The following ORAI2 variants were observed in gnomAD, a reference collection of about 807,000 sequenced individuals.
The protein encoded by ORAI2 is protein orai-2.
ORAI2 carries 10 observed loss-of-function variants against 16.2 expected under a neutral mutation model. That is an observed-to-expected ratio of 0.62 (90% CI 0.38 to 1.04). The LOEUF is 1.04. ORAI2 is among the 50% of genes least tolerant of loss of function. The pLI is 0.01. For missense variants in ORAI2, 238 were observed against 355.5 expected, an observed-to-expected ratio of 0.67 and a Z score of 2.66; for synonymous variants, 150 against 157.5, an observed-to-expected ratio of 0.95 and a Z score of 0.35.
At chr7:102,443,131 CTTT>C (rs796130520) in intron 3 of ORAI2, among the ~76,000 whole-genome samples, 28 of 25,650 alleles carry the variant, frequency 1.1e-3, no homozygotes, top group African/African-American at 1.9e-3. Flanking sequence ...TCTTCTTCTT[CTTT>C]TTTTTTTTTT....
At chr7:102,438,494 G>T (rs954035185) in intron 2 of ORAI2, among the ~76,000 whole-genome samples, 2 of 152,160 alleles carry the variant, frequency 1.3e-5, no homozygotes, top group African/African-American at 4.8e-5. Context: ...GTCCTGGAAG[G>T]CTGGGCGCAG....
intron 3 of ORAI2, 38 bp downstream of exon 3, chr7:102,439,219 A>G: frequency 6.4e-7 from 1 of 1,567,868 alleles, no homozygotes; most frequent in Non-Finnish European, 8.7e-7. Flanking sequence ...CACTGGTCAG[A>G]TGGGCTTTGC....
At position 102,453,090 on chromosome 7, in the gene ORAI2, C is replaced by T. The variant is rs1163365012; in HGVS notation, c.*6038C>T. On this transcript the variant is annotated 3_prime_UTR_variant, in exon 4 of 4. Coordinates refer to ENST00000495936, the MANE Select transcript of ORAI2 (RefSeq NM_001126340.3). ...CCAGGTTCAAGCAATTATCTTGCCTCAGCCTCCCAAGTAGCTGGGATTACA... is the reference window on the plus strand; with the variant it reads ...CCAGGTTCAAGCAATTATCTTGCCTTAGCCTCCCAAGTAGCTGGGATTACA... 1 of 152,284 alleles carries T rather than the reference C, an allele frequency of 6.6e-6. No homozygotes were observed. The highest frequency in any genetic ancestry group is 2.4e-5 in the African/African-American group (1 of 41,452). 9.4% of individuals were successfully genotyped at this position (152,284 alleles called of 1,614,324 possible).
At chr7:102,438,273 G>A (rs921059822) in intron 2 of ORAI2, among the ~76,000 whole-genome samples, 13 of 145,698 alleles carry the variant, frequency 8.9e-5, no homozygotes, top group East Asian at 2.1e-4. Flanking sequence ...GCTTGAAGCC[G>A]GGAGTCAGAG....
In ORAI2 at chr7:102,447,346, G is replaced by C. The variant is rs1284930119; in HGVS notation, c.*294G>C. ...CAGCGGGACCTGCCCATCAGTCCTG[G>C]GCCAGGAGGGGCTCCAAGCAGCACC... On this transcript the variant is annotated 3_prime_UTR_variant, in exon 4 of 4. Transcript: ENST00000495936. 2.5e-6 allele frequency: 1 copy of C among 404,616 alleles called. No individual in the cohort carries two copies. The highest frequency in any genetic ancestry group is 4.2e-5 in the Admixed American group (1 of 23,598). The allele number at this position is 404,616 out of a possible 1,614,324, so 25.1% of individuals were successfully genotyped here.
At chr7:102,440,267 G>A (rs953559684) in intron 3 of ORAI2, among the ~76,000 whole-genome samples, 1 of 152,094 alleles carries the variant, frequency 6.6e-6, no homozygotes, top group African/African-American at 2.4e-5. Flanking sequence ...CCCAGTTAGC[G>A]ATGCAGACGT....
Position 102,456,456 on chromosome 7 carries a change from G to C in ORAI2, c.*9404G>C, listed in dbSNP as rs968874612. On this transcript the variant is annotated 3_prime_UTR_variant, in exon 4 of 4. Transcript: ENST00000495936. ...TTTGTAGAGATGGGGGTCTCACTAT[G>C]TTGCCCAGGCTGGCCTCAAGCAATC... 6.6e-6 allele frequency: 1 copy of C among 152,176 alleles called. No individual in the cohort carries two copies. The allele number at this position is 152,176 out of a possible 1,614,324, so 9.4% of individuals were successfully genotyped here. A position where few individuals can be genotyped will look rare whatever the true frequency, so the allele number is the denominator to read the frequency against.
chr7:102,446,830 G>A lies in ORAI2; in HGVS notation c.543G>A (p.Gln181=). The A allele has an allele frequency of 6.2e-7, 1 of 1,613,922 alleles. No individual in the cohort carries two copies. The highest frequency in any genetic ancestry group is 8.5e-7 in the Non-Finnish European group (1 of 1,180,014). The stretch of plus-strand genomic sequence containing the variant: ...TCCTCCCCGTGGATGCCCGGCGCCA[G>A]CCTGGCCCCCCACCTGGCCCTGGGA... The part of the protein sequence containing the change: ...IKFLPVDARR[Q]PGPPPGPGSH... Residue 181 remains glutamine (Q), a synonymous_variant, in exon 4 of 4, where the codon CAG becomes CAA. Transcript: ENST00000495936.
intron 3 of ORAI2, among the ~76,000 whole-genome samples, chr7:102,445,887 TTCTTTCTC>T (rs1302421726): frequency 5.3e-5 from 6 of 113,726 alleles, no homozygotes; most frequent in African/African-American, 1.7e-4. Flanking sequence ...TTCTCTCTCT[TTCTTTCTC>T]TCTTTCTCTT....
At chr7:102,446,035 A>G (rs911513655) in intron 3 of ORAI2, among the ~76,000 whole-genome samples, 6 of 151,220 alleles carry the variant, frequency 4.0e-5, no homozygotes, top group African/African-American at 1.5e-4. Context: ...TGCAACCTCC[A>G]CCTCCCAGGT....
intron 2 of ORAI2, among the ~76,000 whole-genome samples, chr7:102,436,611 A>T (rs1396075834): frequency 6.6e-6 from 1 of 152,118 alleles, no homozygotes; most frequent in Non-Finnish European, 1.5e-5. Flanking sequence ...GCTCCCTGGG[A>T]CCTAGAAACA....
intron 2 of ORAI2, among the ~76,000 whole-genome samples, chr7:102,436,765 C>T (rs1797070399): frequency 6.6e-6 from 1 of 152,088 alleles, no homozygotes; most frequent in African/African-American, 2.4e-5. Flanking sequence ...GGCTGGAGTG[C>T]AGTGGCGCAA....
At position 102,439,087 on chromosome 7, in the gene ORAI2, C is replaced by A; in HGVS notation, c.131C>A (p.Ser44Ter). 1 of 1,614,086 alleles carries A rather than the reference C, an allele frequency of 6.2e-7. No individual in the cohort carries two copies. The highest frequency in any genetic ancestry group is 8.5e-7 in the Non-Finnish European group (1 of 1,180,038). The change falls in exon 3 of 4, where the codon TCG becomes TAG. Residue 44 changes from serine (S) to a stop codon, truncating the protein, a stop_gained. Transcript: ENST00000495936. LOFTEE classifies it high-confidence loss of function. ...GAACTGGTCACCTCTAACCACCACTCGGTACAGGCCCTGTCGTGGCGGAAG... is the reference window on the plus strand; with the variant it reads ...GAACTGGTCACCTCTAACCACCACTAGGTACAGGCCCTGTCGTGGCGGAAG... ...YLELVTSNHHSVQALSWRKLY... is the reference protein window; with the variant it reads ...YLELVTSNHH
intron 3 of ORAI2, among the ~76,000 whole-genome samples, chr7:102,445,988 A>G (rs989002996): frequency 1.4e-5 from 2 of 140,114 alleles, no homozygotes; most frequent in African/African-American, 5.4e-5. Context: ...TCACTGTGTC[A>G]CCCAGGCTGG....
rs1301110034 is a variant in ORAI2, at chr7:102,456,738, C to A, written c.*9686C>A. 2 of 152,186 alleles carry A rather than the reference C, an allele frequency of 1.3e-5. No individual in the cohort carries two copies. Among genetic ancestry groups the A allele is most frequent in the African/African-American group, 4.8e-5 (2 of 41,442 alleles). The allele number at this position is 152,186 out of a possible 1,614,324, so 9.4% of individuals were successfully genotyped here. On this transcript the variant is annotated 3_prime_UTR_variant, in exon 4 of 4. Coordinates refer to ENST00000495936, the MANE Select transcript of ORAI2 (RefSeq NM_001126340.3). ...TCTTCAACCCTGTTCCCTAATCCAA[C>A]ACATTCCCCAAATGAAGGGACTGGA...
chr7:102,435,248 G>T (rs1358479479), intron 1 of ORAI2, among the ~76,000 whole-genome samples: 1 of 152,162 alleles, frequency 6.6e-6, no homozygotes, highest in Non-Finnish European at 1.5e-5. Flanking sequence ...TCCAGCCTTG[G>T]TAACACAGCA....
intron 2 of ORAI2, among the ~76,000 whole-genome samples, chr7:102,438,673 T>C (rs75605330): frequency 0.055 from 8,315 of 152,170 alleles, 287 homozygotes; most frequent in Non-Finnish European, 0.076. Flanking sequence ...CTCAGGAGAC[T>C]GAAGCAGGAG....
At position 102,448,485 on chromosome 7, in the gene ORAI2, A is replaced by C. The variant is rs1267587122; in HGVS notation, c.*1433A>C. On this transcript the variant is annotated 3_prime_UTR_variant, in exon 4 of 4. Coordinates refer to ENST00000495936, the MANE Select transcript of ORAI2 (RefSeq NM_001126340.3). The stretch of plus-strand genomic sequence containing the variant: ...CACTTTGGGAGGCCTAGGTGGGCGG[A>C]TCACTTGAGGTCAGGAGTTCGAGAC... The C allele has an allele frequency of 6.6e-6, 1 of 152,234 alleles. No homozygotes were observed. The highest frequency in any genetic ancestry group is 1.5e-5 in the Non-Finnish European group (1 of 68,094). The allele number at this position is 152,234 out of a possible 1,614,324, so 9.4% of individuals were successfully genotyped here.
At chr7:102,439,908 C>T (rs569514298) in intron 3 of ORAI2, among the ~76,000 whole-genome samples, 11 of 151,950 alleles carry the variant, frequency 7.2e-5, no homozygotes, top group South Asian at 2.1e-4. Context: ...GGTGAAACAC[C>T]GTCTCTACTA....
Sources: allele counts gnomAD v4.1 joint callset (sites outside exome capture counted in the v4.1 genomes callset), GRCh38; gene constraint gnomAD v4.1.1; transcripts MANE v1.5; gene names NCBI Gene and HGNC (gene_info 2026-07-23, HGNC 2026-07-21).